RBFOX1: variants seen among roughly 807,000 people sequenced by gnomAD.
The protein encoded by RBFOX1 is RNA binding protein fox-1 homolog 1.
In RBFOX1, 8 loss-of-function variants were observed where a neutral mutation model predicts 57.7. The observed-to-expected ratio is 0.14, with a 90% CI of 0.08 to 0.25. The LOEUF is 0.25. RBFOX1 is among the 10% of genes least tolerant of loss of function. RBFOX1 has a pLI of 1.00. For missense variants in RBFOX1, 611 were observed against 548.5 expected (o/e 1.11, Z -1.14); for synonymous variants, 326 against 222.4 (o/e 1.47, Z -4.15).
chr16:7,368,331 T>C (rs887143390), intron 4 of RBFOX1, among the ~76,000 whole-genome samples: 13 of 151,874 alleles, frequency 8.6e-5, no homozygotes, highest in African/African-American at 2.9e-4. Flanking sequence ...TGATAGTCTA[T>C]CCATTTTGGG....
intron 3 of RBFOX1, among the ~76,000 whole-genome samples, chr16:5,624,007 T>C (rs74004432): frequency 0.02 from 3,032 of 152,274 alleles, 108 homozygotes; most frequent in African/African-American, 0.07. Flanking sequence ...TTGCAGACTA[T>C]TTGATTTGAT....
chr16:5,373,980 C>T (rs574717404), intron 1 of RBFOX1, among the ~76,000 whole-genome samples: 8 of 152,298 alleles, frequency 5.3e-5, no homozygotes, highest in African/African-American at 7.2e-5. Flanking sequence ...TGCAATGGTG[C>T]GATCTCGGCT....
At chr16:7,400,615 T>A (rs1029306679) in intron 4 of RBFOX1, among the ~76,000 whole-genome samples, 2 of 152,218 alleles carry the variant, frequency 1.3e-5, no homozygotes, top group African/African-American at 4.8e-5. Flanking sequence ...GTGGTATTGC[T>A]CCTAACCCCT....
At chr16:6,881,220 C>G (rs1390789044) in intron 3 of RBFOX1, among the ~76,000 whole-genome samples, 1 of 152,162 alleles carries the variant, frequency 6.6e-6, no homozygotes, top group African/African-American at 2.4e-5. Context: ...AGCCAGGAGT[C>G]TGAGCATGAA....
At chr16:7,465,451 C>T (rs1229256565) in intron 4 of RBFOX1, among the ~76,000 whole-genome samples, 1 of 152,228 alleles carries the variant, frequency 6.6e-6, no homozygotes, top group African/African-American at 2.4e-5. Context: ...GACTTGGGAG[C>T]AGCACCGTCA....
intron 4 of RBFOX1, among the ~76,000 whole-genome samples, chr16:7,188,535 T>G (rs2152574271): frequency 6.6e-6 from 1 of 152,300 alleles, no homozygotes; most frequent in South Asian, 2.1e-4. Context: ...TGTCTGCACC[T>G]TTTCTCCCCA....
chr16:6,149,096 A>C (rs553955337), intron 1 of RBFOX1, among the ~76,000 whole-genome samples: 125 of 152,368 alleles, frequency 8.2e-4, no homozygotes, highest in Non-Finnish European at 1.3e-3. Flanking sequence ...AAATGCAAAC[A>C]AATACTTAGC....
intron 2 of RBFOX1, among the ~76,000 whole-genome samples, chr16:6,514,170 G>C (rs1364434451): frequency 6.6e-6 from 1 of 152,114 alleles, no homozygotes; most frequent in Non-Finnish European, 1.5e-5. Context: ...CTGCTTTTGA[G>C]CCACTTACTG....
intron 3 of RBFOX1, among the ~76,000 whole-genome samples, chr16:5,767,511 C>T (rs1001498825): frequency 2.0e-5 from 3 of 152,168 alleles, no homozygotes; most frequent in Admixed American, 2.0e-4. Context: ...TTCAGAGCCC[C>T]TGTGCAGACA....
chr16:7,126,963 C>A, intron 4 of RBFOX1, among the ~76,000 whole-genome samples: 1 of 149,368 alleles, frequency 6.7e-6, no homozygotes, highest in East Asian at 2.0e-4. Flanking sequence ...GAGCCAAGAT[C>A]GCGCCACTAC....
intron 4 of RBFOX1, among the ~76,000 whole-genome samples, chr16:5,952,479 G>A (rs553287990): frequency 2.6e-5 from 4 of 152,102 alleles, no homozygotes; most frequent in African/African-American, 9.6e-5. Flanking sequence ...TAGAGATGGG[G>A]TTTCACTATG....
chr16:6,963,539 A>C (rs2153553984), intron 3 of RBFOX1, among the ~76,000 whole-genome samples: 1 of 152,286 alleles, frequency 6.6e-6, no homozygotes, highest in Admixed American at 6.5e-5. Context: ...ACTCACTTGC[A>C]ATGTAAAATG....
At chr16:5,466,525 A>G (rs1199016453) in intron 1 of RBFOX1, among the ~76,000 whole-genome samples, 2 of 152,182 alleles carry the variant, frequency 1.3e-5, no homozygotes, top group Non-Finnish European at 2.9e-5. Flanking sequence ...CAAGGCAGCT[A>G]GGGTTTCTGT....
In RBFOX1 at chr16:5,423,158, T is replaced by G. The variant is rs571789199; in HGVS notation, c.220-44058T>G. 1.2e-4 allele frequency among the ~76,000 whole-genome samples: 19 copies of G among 152,004 alleles called. No individual in the cohort carries two copies. The South Asian group carries it at 3.7e-3, about 30-fold the overall frequency. The stretch of plus-strand genomic sequence containing the variant: ...GAGAGGGAGAAGGTTGAAATAATTA[T>G]GGACTCAAGAAGTTACAACAGTAGT... On this transcript the variant is annotated intron_variant, in intron 1 of 2. Transcript: ENST00000585867.
At chr16:7,064,144 C>A (rs1376409039) in intron 4 of RBFOX1, among the ~76,000 whole-genome samples, 1 of 148,648 alleles carries the variant, frequency 6.7e-6, no homozygotes, top group Non-Finnish European at 1.5e-5. Flanking sequence ...GGGCCCTAAT[C>A]CAGTATGACT....
chr16:7,390,445 G>A (rs2097983521), intron 4 of RBFOX1, among the ~76,000 whole-genome samples: 2 of 152,112 alleles, frequency 1.3e-5, no homozygotes, highest in South Asian at 2.1e-4. Flanking sequence ...TCAGTTGCAG[G>A]GACCTTACTC....
At chr16:6,010,863 G>A (rs369733902) in intron 4 of RBFOX1, among the ~76,000 whole-genome samples, 1 of 151,930 alleles carries the variant, frequency 6.6e-6, no homozygotes, top group Non-Finnish European at 1.5e-5. Flanking sequence ...TTTCTTTAGT[G>A]GTTCATGTGT....
intron 1 of RBFOX1, among the ~76,000 whole-genome samples, chr16:5,289,041 C>G (rs1338834995): frequency 3.3e-5 from 5 of 152,208 alleles, no homozygotes; most frequent in African/African-American, 9.6e-5. Flanking sequence ...AGGGGAATCG[C>G]TTGAACCTGG....
chr16:6,977,140 T>TTA (rs776162025), intron 3 of RBFOX1, among the ~76,000 whole-genome samples: 6 of 137,206 alleles, frequency 4.4e-5, no homozygotes, highest in East Asian at 2.2e-4. Context: ...ATGATATATA[T>TTA]TATATATATC....
Sources: allele counts gnomAD v4.1 joint callset (sites outside exome capture counted in the v4.1 genomes callset), GRCh38; gene constraint gnomAD v4.1.1; transcripts MANE v1.5; gene names NCBI Gene and HGNC (gene_info 2026-07-23, HGNC 2026-07-21).